Variants in DLGAP1 observed in about 807,000 individuals in gnomAD.
DLGAP1 encodes disks large-associated protein 1.
A neutral mutation model predicts 90.8 loss-of-function variants in DLGAP1; 11 were observed. The observed-to-expected ratio is 0.12, with a 90% CI of 0.08 to 0.20. DLGAP1 has a LOEUF of 0.20. Among genes scored for constraint, DLGAP1 ranks in the 10% least tolerant of loss-of-function variants. The probability of loss-of-function intolerance (pLI) is 1.00; values close to 1 mark genes in which losing one functional copy is unlikely to be tolerated. For missense variants in DLGAP1, 1,050 were observed against 1,333.8 expected (o/e 0.79, Z 3.31); for synonymous variants, 558 against 540.7 (o/e 1.03, Z -0.44).
At chr18:3,752,730 A>G (rs2063556229) in intron 5 of DLGAP1, among the ~76,000 whole-genome samples, 2 of 147,032 alleles carry the variant, frequency 1.4e-5, no homozygotes, top group South Asian at 4.3e-4. Flanking sequence ...GCAGCTTCCA[A>G]CTCCTGGGCC....
chr18:3,530,320 T>C (rs1019551320), intron 10 of DLGAP1, among the ~76,000 whole-genome samples: 8 of 151,958 alleles, frequency 5.3e-5, no homozygotes, highest in African/African-American at 1.7e-4. Flanking sequence ...GGTGGGAGGA[T>C]CACTTGGGCC....
At chr18:3,708,826 CT>C (rs1193282341) in intron 7 of DLGAP1, among the ~76,000 whole-genome samples, 1 of 152,166 alleles carries the variant, frequency 6.6e-6, no homozygotes, top group Non-Finnish European at 1.5e-5. Flanking sequence ...TCAGATATGA[CT>C]TTCTGAAGCT....
At chr18:3,712,020 C>T (rs565219890) in intron 7 of DLGAP1, among the ~76,000 whole-genome samples, 10 of 152,128 alleles carry the variant, frequency 6.6e-5, no homozygotes, top group South Asian at 2.1e-4. Context: ...ATTTTTGTGA[C>T]GATCACACTG....
intron 3 of DLGAP1, among the ~76,000 whole-genome samples, chr18:3,884,047 G>A (rs1231200536): frequency 6.6e-6 from 1 of 152,172 alleles, no homozygotes; most frequent in African/African-American, 2.4e-5. Context: ...GGATAAGGAA[G>A]AACCGATAGG....
chr18:4,085,983 T>A lies in DLGAP1; in HGVS notation c.-159+65197A>T. Among the ~76,000 whole-genome samples, 2 of 152,184 alleles carry A rather than the reference T, an allele frequency of 1.3e-5. 1 individual carries two copies. Among genetic ancestry groups the A allele is most frequent in the Non-Finnish European group, 2.9e-5 (2 of 68,030 alleles). ...GGTTTGACTTAATAAATTGGTAACA[T>A]AAATAAGACCTAAACTGGGCAGAAA... On this transcript the variant is annotated intron_variant, in intron 2 of 12. Transcript: ENST00000315677.
At chr18:3,562,130 G>A (rs2054160206) in intron 9 of DLGAP1, among the ~76,000 whole-genome samples, 1 of 152,078 alleles carries the variant, frequency 6.6e-6, no homozygotes, top group Non-Finnish European at 1.5e-5. Context: ...AGGAGACTGA[G>A]GCAGGAGAAT....
intron 1 of DLGAP1, among the ~76,000 whole-genome samples, chr18:4,197,475 C>T (rs543043599): frequency 2.5e-4 from 38 of 151,944 alleles, no homozygotes; most frequent in African/African-American, 7.5e-4. Context: ...AGGGGAGTGA[C>T]GATCAAGTCT....
intron 3 of DLGAP1, among the ~76,000 whole-genome samples, chr18:3,944,443 A>C (rs2072835581): frequency 6.6e-6 from 1 of 152,190 alleles, no homozygotes; most frequent in African/African-American, 2.4e-5. Flanking sequence ...TGGAGGTTGC[A>C]GTGAGCTGAG....
At chr18:3,602,118 CT>C (rs1177157040) in intron 7 of DLGAP1, among the ~76,000 whole-genome samples, 1 of 152,200 alleles carries the variant, frequency 6.6e-6, no homozygotes, top group African/African-American at 2.4e-5. Context: ...TGCCGCGCAG[CT>C]TTGATGCTGC....
chr18:4,179,608 G>A (rs2077173429), intron 1 of DLGAP1, among the ~76,000 whole-genome samples: 1 of 152,102 alleles, frequency 6.6e-6, no homozygotes, highest in Non-Finnish European at 1.5e-5. Flanking sequence ...TCACACAGCT[G>A]GTTATGAGAA....
At chr18:4,147,820 T>C (rs952843965) in intron 2 of DLGAP1, among the ~76,000 whole-genome samples, 1 of 152,192 alleles carries the variant, frequency 6.6e-6, no homozygotes, top group Non-Finnish European at 1.5e-5. Flanking sequence ...AGACCTTTCA[T>C]TGTGATCAGT....
intron 4 of DLGAP1, chr18:3,821,839 T>C (rs2067436530): frequency 1.1e-6 from 1 of 877,816 alleles, no homozygotes; most frequent in African/African-American, 1.8e-5. Flanking sequence ...GAAATGGCTG[T>C]AATGTGTTGG....
Position 3,772,379 on chromosome 18 carries a change from T to G in DLGAP1, c.1173-29867A>C, listed in dbSNP as rs1338680764. On this transcript the variant is annotated intron_variant, in intron 5 of 12. Coordinates refer to ENST00000315677, the MANE Select transcript of DLGAP1 (RefSeq NM_004746.4). The stretch of plus-strand genomic sequence containing the variant: ...TTCTTTCTTTCTTTCTTTCTTTCTT[T>G]CTTTCTTTCTTTCTTTCTTTCTTTC... 2.3e-3 allele frequency among the ~76,000 whole-genome samples: 35 copies of G among 15,406 alleles called. 1 individual carries two copies. Among genetic ancestry groups the G allele is most frequent in the African/African-American group, 3.4e-3 (34 of 9,870 alleles). The allele number at this position is 15,406 out of a possible 152,430, so 10.1% of individuals were successfully genotyped here.
intron 1 of DLGAP1, among the ~76,000 whole-genome samples, chr18:4,367,268 C>T (rs1030254971): frequency 6.6e-6 from 1 of 151,446 alleles, no homozygotes; most frequent in Non-Finnish European, 1.5e-5. Flanking sequence ...GTGCACATAT[C>T]GTTTTCAGAA....
intron 6 of DLGAP1, among the ~76,000 whole-genome samples, chr18:3,733,316 G>C (rs957319470): frequency 6.6e-6 from 1 of 152,104 alleles, no homozygotes; most frequent in Non-Finnish European, 1.5e-5. Context: ...CATGACTTAT[G>C]ATTTTTCTGC....
In DLGAP1 at chr18:3,904,368, A is replaced by G. The variant is rs367731250; in HGVS notation, c.-72-24228T>C. 7.8e-4 allele frequency among the ~76,000 whole-genome samples: 119 copies of G among 152,326 alleles called. 3 individuals carry two copies. In the South Asian group the frequency reaches 0.016, roughly 20 times the overall value. On this transcript the variant is annotated intron_variant, in intron 3 of 12. Coordinates refer to ENST00000315677, the MANE Select transcript of DLGAP1 (RefSeq NM_004746.4). Reference sequence around the variant, plus strand: ...GGCACTAAGGAAGTCTGCAAACACTATGGCAATGCTGGCTTGGCTTCAGAA... The same window carrying G: ...GGCACTAAGGAAGTCTGCAAACACTGTGGCAATGCTGGCTTGGCTTCAGAA...
intron 3 of DLGAP1, among the ~76,000 whole-genome samples, chr18:3,937,453 C>T (rs946927056): frequency 6.6e-6 from 1 of 152,116 alleles, no homozygotes; most frequent in African/African-American, 2.4e-5. Flanking sequence ...ACCATGAGAA[C>T]AGTATGGGGG....
intron 3 of DLGAP1, among the ~76,000 whole-genome samples, chr18:3,958,105 G>C (rs2073118767): frequency 6.6e-6 from 1 of 151,976 alleles, no homozygotes; most frequent in Non-Finnish European, 1.5e-5. Flanking sequence ...TGTTGGCCAG[G>C]CTGGTCTCGA....
intron 7 of DLGAP1, among the ~76,000 whole-genome samples, chr18:3,652,571 G>A (rs2059352998): frequency 6.6e-6 from 1 of 152,126 alleles, no homozygotes; most frequent in African/African-American, 2.4e-5. Context: ...TTGAATACCT[G>A]GCCTCAAGCT....
Sources: allele counts gnomAD v4.1 joint callset (sites outside exome capture counted in the v4.1 genomes callset), GRCh38; gene constraint gnomAD v4.1.1; transcripts MANE v1.5; gene names NCBI Gene and HGNC (gene_info 2026-07-23, HGNC 2026-07-21).